Variants in ERC2 observed in about 807,000 individuals in gnomAD.
ERC2 encodes ELKS/RAB6-interacting/CAST family member 2.
A neutral mutation model predicts 114.8 loss-of-function variants in ERC2; 42 were observed. The observed-to-expected ratio is 0.37, with a 90% confidence interval of 0.29 to 0.47. The LOEUF (loss-of-function observed/expected upper bound fraction) is 0.47, where lower values mean the gene tolerates loss of function less well. Among genes scored for constraint, ERC2 ranks in the 20% least tolerant of loss-of-function variants. The pLI is 0.99. For synonymous variants in ERC2, 454 were observed against 425.5 expected, an observed-to-expected ratio of 1.07 and a Z score of -0.82; for missense variants, 939 against 1,150.7, an observed-to-expected ratio of 0.82 and a Z score of 2.66.
At chr3:55,788,984 T>C (rs983605807) in intron 14 of ERC2, among the ~76,000 whole-genome samples, 4 of 152,202 alleles carry the variant, frequency 2.6e-5, no homozygotes, top group Admixed American at 1.3e-4. Flanking sequence ...ACGAGTTCTC[T>C]AACACCACAG....
chr3:56,350,322 A>G (rs1162466137), intron 2 of ERC2, among the ~76,000 whole-genome samples: 1 of 152,238 alleles, frequency 6.6e-6, no homozygotes, highest in Non-Finnish European at 1.5e-5. Flanking sequence ...ACTTTCCAAG[A>G]GCCAAAAAGG....
chr3:55,599,227 C>T (rs2058290030), intron 17 of ERC2, among the ~76,000 whole-genome samples: 1 of 152,224 alleles, frequency 6.6e-6, no homozygotes, highest in Admixed American at 6.5e-5. Flanking sequence ...CTTACAGCCA[C>T]ATCTTGCTAT....
At chr3:55,698,650 G>A (rs1448171573) in intron 16 of ERC2, among the ~76,000 whole-genome samples, 1 of 152,156 alleles carries the variant, frequency 6.6e-6, no homozygotes, top group Non-Finnish European at 1.5e-5. Flanking sequence ...AGGAATCTTA[G>A]TACAACAAAG....
At chr3:55,825,405 T>C (rs1312529949) in intron 14 of ERC2, among the ~76,000 whole-genome samples, 1 of 152,230 alleles carries the variant, frequency 6.6e-6, no homozygotes, top group African/African-American at 2.4e-5. Flanking sequence ...ATCTAATGAT[T>C]ATGATCTGAA....
chr3:56,017,117 G>A (rs946511267), intron 8 of ERC2, among the ~76,000 whole-genome samples: 2 of 152,060 alleles, frequency 1.3e-5, no homozygotes, highest in African/African-American at 2.4e-5. Flanking sequence ...AATAACATGG[G>A]CCTAAAAACT....
intron 17 of ERC2, among the ~76,000 whole-genome samples, chr3:55,527,459 G>A (rs779089357): frequency 9.9e-5 from 15 of 152,152 alleles, no homozygotes; most frequent in Non-Finnish European, 1.6e-4. Flanking sequence ...AGAAGAGAAC[G>A]TAGCGAAATC....
chr3:55,596,381 A>G (rs2058135980), intron 17 of ERC2, among the ~76,000 whole-genome samples: 1 of 152,176 alleles, frequency 6.6e-6, no homozygotes, highest in African/African-American at 2.4e-5. Flanking sequence ...CAGGAGTTCA[A>G]GACCAGCCTG....
intron 6 of ERC2, among the ~76,000 whole-genome samples, chr3:56,086,492 CTTT>C (rs113369686): frequency 2.9e-5 from 4 of 140,338 alleles, no homozygotes; most frequent in Non-Finnish European, 6.2e-5. Flanking sequence ...TCAGGGTCTT[CTTT>C]TTTTTTTTTT....
At chr3:56,106,500 G>A (rs1214514989) in intron 6 of ERC2, among the ~76,000 whole-genome samples, 1 of 152,124 alleles carries the variant, frequency 6.6e-6, no homozygotes, top group Non-Finnish European at 1.5e-5. Context: ...CTTTAACTTG[G>A]GGTTGTCTTT....
At chr3:55,935,000 C>A (rs564559368) in intron 13 of ERC2, among the ~76,000 whole-genome samples, 1 of 152,304 alleles carries the variant, frequency 6.6e-6, no homozygotes, top group African/African-American at 2.4e-5. Context: ...AAGCAGTGAC[C>A]TTGGAGGCTG....
chr3:56,297,844 G>A (rs1187728326), intron 2 of ERC2, among the ~76,000 whole-genome samples: 1 of 152,188 alleles, frequency 6.6e-6, no homozygotes, highest in Non-Finnish European at 1.5e-5. Context: ...ACACTCAGAG[G>A]TATTGAGATC....
At chr3:55,840,527 T>G (rs2061087095) in intron 14 of ERC2, among the ~76,000 whole-genome samples, 1 of 151,764 alleles carries the variant, frequency 6.6e-6, no homozygotes, top group Non-Finnish European at 1.5e-5. Flanking sequence ...CATACACTAA[T>G]GGTGGGAAAG....
chr3:55,656,293 C>T (rs2060862220), intron 17 of ERC2, among the ~76,000 whole-genome samples: 2 of 152,128 alleles, frequency 1.3e-5, no homozygotes, highest in Non-Finnish European at 2.9e-5. Context: ...AGTACACCCC[C>T]ACTTCCAACT....
At chr3:56,437,877 C>A (rs557538637) in intron 1 of ERC2, among the ~76,000 whole-genome samples, 31 of 152,026 alleles carry the variant, frequency 2.0e-4, no homozygotes, top group Middle Eastern at 6.3e-3. Flanking sequence ...GGGGAGCAGA[C>A]GACAAAACAA....
chr3:56,228,497 CT>C (rs1380348905), intron 3 of ERC2, among the ~76,000 whole-genome samples: 1 of 152,156 alleles, frequency 6.6e-6, no homozygotes, highest in African/African-American at 2.4e-5. Context: ...GCATAATGTC[CT>C]TAAGTTTCAT....
intron 17 of ERC2, among the ~76,000 whole-genome samples, chr3:55,512,005 G>A (rs1328241754): frequency 6.6e-6 from 1 of 152,210 alleles, no homozygotes; most frequent in Admixed American, 6.5e-5. Context: ...TGGCCTGTGA[G>A]TGCTTCTGGG....
At chr3:55,543,861 C>G (rs889453967) in intron 17 of ERC2, among the ~76,000 whole-genome samples, 7 of 152,198 alleles carry the variant, frequency 4.6e-5, no homozygotes, top group African/African-American at 9.7e-5. Context: ...CACTCTCTCT[C>G]GAAGCCTTAC....
At chr3:56,146,420 G>C (rs2149939980) in intron 5 of ERC2, among the ~76,000 whole-genome samples, 1 of 152,254 alleles carries the variant, frequency 6.6e-6, no homozygotes, top group East Asian at 1.9e-4. Flanking sequence ...ATTAAAAACT[G>C]ACCCTTACTA....
intron 14 of ERC2, among the ~76,000 whole-genome samples, chr3:55,878,437 C>CA (rs2062967464): frequency 6.6e-6 from 1 of 151,974 alleles, no homozygotes; most frequent in Non-Finnish European, 1.5e-5. Context: ...CCTCCTGCCC[C>CA]AAAAAAGGGA....
Sources: gnomAD v4.1 joint callset for allele counts (sites outside exome capture counted in the v4.1 genomes callset) on GRCh38, gnomAD v4.1.1 for gene constraint, MANE v1.5 for transcripts, NCBI Gene and HGNC (gene_info 2026-07-23, HGNC 2026-07-21) for gene names.